Variants in GYG2 observed in about 807,000 individuals in gnomAD.
GYG2 encodes glycogenin-2.
Under a neutral mutation model 29.4 loss-of-function variants are expected in GYG2, and 29 were observed. That is an observed-to-expected ratio of 0.99 (90% CI 0.74 to 1.35). The LOEUF (loss-of-function observed/expected upper bound fraction) is 1.35. Among genes scored for constraint, GYG2 ranks in the 40% most tolerant of loss-of-function variants. The probability of loss-of-function intolerance (pLI) is 0.00; values close to 1 mark genes in which losing one functional copy is unlikely to be tolerated. For synonymous variants in GYG2, 167 were observed against 172.3 expected, an observed-to-expected ratio of 0.97 and a Z score of 0.24; for missense variants, 370 against 385.7, an observed-to-expected ratio of 0.96 and a Z score of 0.34.
rs1469289394 is a variant in GYG2, at chrX:2,856,639, C to A, written c.614+15C>A. 8.4e-7 allele frequency: 1 copy of A among 1,187,030 alleles called. No homozygotes were observed. Among genetic ancestry groups the A allele is most frequent in the Admixed American group, 2.2e-5 (1 of 45,304 alleles). ...GCCTTCAAGCAGTAAGTTCTCCACCCTGGCGAATCCTGCCAGATCTGCCAC... is the reference window on the plus strand; with the variant it reads ...GCCTTCAAGCAGTAAGTTCTCCACCATGGCGAATCCTGCCAGATCTGCCAC... On this transcript the variant is annotated intron_variant, in intron 6 of 10. Transcript: ENST00000398806.
At chrX:2,846,053 ATATTTTTTTTTTTTT>A (rs1446694056) in intron 3 of GYG2, among the ~76,000 whole-genome samples, 503 of 29,934 alleles carry the variant, frequency 0.017, 13 homozygotes, top group African/African-American at 0.057. Context: ...ATATATATAT[ATATTTTTTTTTTTTT>A]TTTTTTTTTT....
intron 2 of GYG2, among the ~76,000 whole-genome samples, chrX:2,842,361 ATT>A (rs201624382): frequency 9.9e-6 from 1 of 100,712 alleles, no homozygotes. Flanking sequence ...CGCCTGGCTA[ATT>A]TTTTTTTTTT....
intron 3 of GYG2, among the ~76,000 whole-genome samples, chrX:2,846,890 TGAA>T (rs1392948028): frequency 1.2e-4 from 13 of 112,421 alleles, no homozygotes; most frequent in African/African-American, 3.9e-4. Context: ...CTGGGAGTAT[TGAA>T]GAAGTGCTTG....
intron 8 of GYG2, 47 bp downstream of exon 8, chrX:2,861,769 G>A (rs1384217797): frequency 1.4e-5 from 14 of 983,344 alleles, no homozygotes; most frequent in Non-Finnish European, 2.0e-5. Context: ...ACGCTGGCTC[G>A]CAGTGAGAGA....
intron 2 of GYG2, among the ~76,000 whole-genome samples, chrX:2,841,147 G>A (rs1408869976): frequency 1.6e-4 from 18 of 109,810 alleles, no homozygotes; most frequent in African/African-American, 3.6e-4. Context: ...ATGGATGGAT[G>A]TATAGATGAT....
intron 8 of GYG2, among the ~76,000 whole-genome samples, chrX:2,873,408 G>A (rs777507927): frequency 8.9e-5 from 10 of 112,136 alleles, no homozygotes; most frequent in Admixed American, 7.6e-4. Flanking sequence ...AAATTGGTGT[G>A]TATTTAAGGA....
At chrX:2,860,886 C>T (rs2088147189) in intron 7 of GYG2, among the ~76,000 whole-genome samples, 1 of 110,437 alleles carries the variant, frequency 9.1e-6, no homozygotes, top group South Asian at 3.8e-4. Context: ...CCTACCACCA[C>T]GCCCAGCTAA....
rs374582842 is a variant in GYG2, at chrX:2,845,591, A to G, written c.149+2237A>G. Reference sequence around the variant, plus strand: ...TGTATACACATGTGTATATATACACATGTGTATGTACATATATTTATATAC... The same window carrying G: ...TGTATACACATGTGTATATATACACGTGTGTATGTACATATATTTATATAC... On this transcript the variant is annotated intron_variant, in intron 3 of 10. Coordinates refer to ENST00000398806, the MANE Select transcript of GYG2 (RefSeq NM_001079855.2). Among the ~76,000 whole-genome samples the G allele has an allele frequency of 3.4e-4, 34 of 100,341 alleles. 1 individual carries two copies. The highest frequency in any genetic ancestry group is 1.1e-3 in the African/African-American group (32 of 28,308). The allele number at this position is 100,341 out of a possible 115,157, so 87.1% of individuals were successfully genotyped here. A position where few individuals can be genotyped will look rare whatever the true frequency, so the allele number is the denominator to read the frequency against.
At chrX:2,856,240 C>T (rs1473377930) in intron 5 of GYG2, among the ~76,000 whole-genome samples, 1 of 111,509 alleles carries the variant, frequency 9.0e-6, no homozygotes, top group Non-Finnish European at 1.9e-5. Context: ...CTTTGGACTC[C>T]ATATGCAATT....
chrX:2,834,150 A>AT (rs1169648118), intron 2 of GYG2, among the ~76,000 whole-genome samples: 9 of 111,429 alleles, frequency 8.1e-5, no homozygotes, highest in African/African-American at 2.0e-4. Context: ...TGGCTGGTGG[A>AT]TTTTTTCTGC....
chrX:2,841,801 G>A (rs2087508330), intron 2 of GYG2, among the ~76,000 whole-genome samples: 1 of 112,021 alleles, frequency 8.9e-6, no homozygotes, highest in African/African-American at 3.2e-5. Context: ...TCCATAGACA[G>A]TACACTGGGC....
At chrX:2,864,192 C>T (rs2088240719) in intron 8 of GYG2, among the ~76,000 whole-genome samples, 1 of 112,042 alleles carries the variant, frequency 8.9e-6, no homozygotes, top group Non-Finnish European at 1.9e-5. Context: ...TAAGGACACA[C>T]CCGTGACACA....
intron 3 of GYG2, among the ~76,000 whole-genome samples, chrX:2,845,014 CAT>C (rs1211983274): frequency 4.0e-4 from 40 of 98,994 alleles, no homozygotes; most frequent in African/African-American, 1.4e-3. Flanking sequence ...TTTATATACA[CAT>C]GTGTATGTAT....
At chrX:2,850,548 T>A (rs1463273149) in intron 3 of GYG2, among the ~76,000 whole-genome samples, 2 of 111,457 alleles carry the variant, frequency 1.8e-5, no homozygotes, top group Non-Finnish European at 3.8e-5. Flanking sequence ...GAGCCCAAGC[T>A]AAGCCGTCAT....
rs1569058740 is a variant in GYG2 at position 2,846,048 on chromosome X, T to TAC, written c.149+2695_149+2696insCA. On this transcript the variant is annotated intron_variant, in intron 3 of 10. Transcript: ENST00000398806. Reference sequence around the variant, plus strand: ...ACATATATATACACATATATATATATATATATATTTTTTTTTTTTTTTTTT... The same window carrying TAC: ...ACATATATATACACATATATATATATACATATATATTTTTTTTTTTTTTTTTT... Among the ~76,000 whole-genome samples, 76 of 22,029 alleles carry TAC rather than the reference T, an allele frequency of 3.4e-3. 3 individuals are homozygous for TAC. Among genetic ancestry groups the TAC allele is most frequent in the African/African-American group, 0.011 (69 of 6,416 alleles). The allele number at this position is 22,029 out of a possible 115,157, so 19.1% of individuals were successfully genotyped here.
intron 2 of GYG2, among the ~76,000 whole-genome samples, chrX:2,836,606 G>A (rs761103481): frequency 5.9e-4 from 61 of 103,245 alleles, no homozygotes; most frequent in African/African-American, 2.1e-3. Context: ...CAGGAGTTCC[G>A]GGCTTCAGTG....
intron 8 of GYG2, among the ~76,000 whole-genome samples, 182 bp from the exon 9 acceptor site, chrX:2,875,628 C>T (rs750088140): frequency 5.5e-5 from 6 of 108,897 alleles, no homozygotes; most frequent in East Asian, 2.9e-4. Context: ...GACATTAGCC[C>T]GAGAAGAAGA....
At position 2,848,624 on chromosome X, in the gene GYG2, G is replaced by A. The variant is rs190601099; in HGVS notation, c.149+5270G>A. On this transcript the variant is annotated intron_variant, in intron 3 of 10. Coordinates refer to ENST00000398806, the MANE Select transcript of GYG2 (RefSeq NM_001079855.2). ...AAAGGTACACATAGCACATCCAGCAGGTTCCGTGTTTTATTTTAAAAGCCG... is the reference window on the plus strand; with the variant it reads ...AAAGGTACACATAGCACATCCAGCAAGTTCCGTGTTTTATTTTAAAAGCCG... Among the ~76,000 whole-genome samples, 175 of 111,049 alleles carry A rather than the reference G, an allele frequency of 1.6e-3. 1 individual carries two copies. Among genetic ancestry groups the A allele is most frequent in the African/African-American group, 5.4e-3 (166 of 30,558 alleles).
At chrX:2,863,220 G>A (rs919031293) in intron 8 of GYG2, among the ~76,000 whole-genome samples, 1 of 109,031 alleles carries the variant, frequency 9.2e-6, no homozygotes, top group Non-Finnish European at 1.9e-5. Flanking sequence ...GACTGCAGGT[G>A]CCCGCCACCG....
Sources: allele counts gnomAD v4.1 joint callset (sites outside exome capture counted in the v4.1 genomes callset), GRCh38; gene constraint gnomAD v4.1.1; transcripts MANE v1.5; gene names NCBI Gene and HGNC (gene_info 2026-07-23, HGNC 2026-07-21).